Variants in MTIF2 observed in about 807,000 individuals in gnomAD.
MTIF2 encodes mitochondrial translational initiation factor 2, also known as translation initiation factor IF-2, mitochondrial.
Under a neutral mutation model 83.5 loss-of-function variants are expected in MTIF2, and 71 were observed. The ratio of observed to expected loss-of-function variants is 0.85; its 90% confidence interval spans 0.70 to 1.04. MTIF2 has a LOEUF of 1.04. Ranked by LOEUF, MTIF2 falls within the 50% of genes least tolerant of loss-of-function variation. The probability of loss-of-function intolerance (pLI) is 0.00; values close to 1 mark genes in which losing one functional copy is unlikely to be tolerated. For synonymous variants in MTIF2, 319 were observed against 287.1 expected, an observed-to-expected ratio of 1.11 and a Z score of -1.12; for missense variants, 957 against 846.5, an observed-to-expected ratio of 1.13 and a Z score of -1.62.
intron 8 of MTIF2, 128 bp from the exon 9 acceptor site, chr2:55,249,662 G>A (rs111906574): frequency 9.0e-7 from 1 of 1,116,606 alleles, no homozygotes; most frequent in South Asian, 1.6e-5. Context: ...CTAACAAAAG[G>A]CCAAAATGAC....
intron 5 of MTIF2, among the ~76,000 whole-genome samples, chr2:55,258,363 A>T (rs1677702460): frequency 6.6e-6 from 1 of 152,178 alleles, no homozygotes; most frequent in Non-Finnish European, 1.5e-5. Context: ...CTGTAAAACT[A>T]TTTCAAAACA....
Position 55,243,530 on chromosome 2 carries a change from G to T in MTIF2, c.1450C>A (p.Leu484Ile), listed in dbSNP as rs1558554536. The change falls in exon 12 of 16, where the codon CTA becomes ATA. Residue 484 changes from leucine (L) to isoleucine (I), a missense_variant. By Grantham distance (5) the Leu-to-Ile change is conservative. Around this residue, in one of 3 missense-constraint regions of MTIF2, gnomAD observed 733 missense variants for 648.7 expected, o/e 1.13. Coordinates refer to ENST00000263629, the MANE Select transcript of MTIF2 (RefSeq NM_002453.3). ...AGAATTGATCTCTTCTTCCACAGTA[G>T]ATGGCCATACTTCTCACGGGCTTTC... is the stretch of plus-strand genomic sequence containing the variant. ...HQKAREKYGH[L>I]LWKKRSILRF... The T allele has an allele frequency of 6.2e-7, 1 of 1,613,952 alleles. No individual in the cohort carries two copies. Among genetic ancestry groups the T allele is most frequent in the Non-Finnish European group, 8.5e-7 (1 of 1,179,978 alleles).
intron 3 of MTIF2, among the ~76,000 whole-genome samples, chr2:55,265,390 G>A (rs910311811): frequency 1.3e-5 from 2 of 151,444 alleles, no homozygotes; most frequent in African/African-American, 4.8e-5. Flanking sequence ...TGTCGTTAAA[G>A]CAAGCTTGCC....
At chr2:55,265,483 G>A (rs1236462960) in intron 3 of MTIF2, among the ~76,000 whole-genome samples, 2 of 151,270 alleles carry the variant, frequency 1.3e-5, no homozygotes, top group East Asian at 3.9e-4. Flanking sequence ...GCAATAATAT[G>A]CAAAATTATT....
At chr2:55,258,585 G>T (rs1365649964) in intron 5 of MTIF2, among the ~76,000 whole-genome samples, 1 of 152,138 alleles carries the variant, frequency 6.6e-6, no homozygotes. Flanking sequence ...GCTAAGGTGG[G>T]TGGATCACCT....
chr2:55,254,338 C>G, intron 6 of MTIF2, 137 bp from the exon 7 acceptor site: 1 of 885,990 alleles, frequency 1.1e-6, no homozygotes, highest in South Asian at 1.9e-5. Context: ...ACCTATTTCC[C>G]CCTCCTATAC....
Position 55,244,035 on chromosome 2 carries a change from T to C in MTIF2, c.1305A>G (p.Glu435=). 1.2e-6 allele frequency: 2 copies of C among 1,613,706 alleles called. No homozygotes were observed. The highest frequency in any genetic ancestry group is 1.7e-6 in the Non-Finnish European group (2 of 1,179,712). The part of the protein sequence containing the change: ...PSAGEEILEV[E]SEPRAREVVD... ...GGAATTAAGCTTGATACACCTCAGATTCTACTTCAAGAATTTCTTCTCCTG... is the reference window on the plus strand; with the variant it reads ...GGAATTAAGCTTGATACACCTCAGACTCTACTTCAAGAATTTCTTCTCCTG... The change falls in exon 11 of 16, where the codon GAA becomes GAG. Residue 435 remains glutamate (E), a synonymous_variant. Transcript: ENST00000263629.
intron 5 of MTIF2, among the ~76,000 whole-genome samples, chr2:55,259,263 C>T (rs1349487691): frequency 6.6e-6 from 1 of 152,054 alleles, no homozygotes; most frequent in African/African-American, 2.4e-5. Flanking sequence ...GTACTCATAT[C>T]GCTAATGTAT....
At chr2:55,264,711 C>G (rs1678298286) in intron 3 of MTIF2, among the ~76,000 whole-genome samples, 1 of 152,126 alleles carries the variant, frequency 6.6e-6, no homozygotes, top group African/African-American at 2.4e-5. Context: ...ATCTCACCCC[C>G]TAAAAAAAGA....
rs775196654 is a variant in MTIF2, at chr2:55,243,007, T to C, written c.1638A>G (p.Leu546=). The change falls in exon 13 of 16, where the codon CTA becomes CTG. Residue 546 remains leucine, a synonymous_variant. Transcript: ENST00000263629. ...CACCCACTCCAAAATGTACTAATTC[T>C]AGTTCACACTCGTGTGAAGCATCAT... is the stretch of plus-strand genomic sequence containing the variant. ...DTYDASHECE[L]ELVHFGVGDV... is the part of the protein sequence containing the mutation. 1.1e-5 allele frequency: 18 copies of C among 1,613,176 alleles called. 1 individual carries two copies. The African/African-American group carries it at 1.3e-4, about 12-fold the overall frequency.
chr2:55,255,415 T>C (rs1677435460), intron 5 of MTIF2, among the ~76,000 whole-genome samples: 1 of 144,572 alleles, frequency 6.9e-6, no homozygotes. Flanking sequence ...AATATATATT[T>C]ATATATCTCA....
In MTIF2 at chr2:55,236,707, TTC is replaced by T. The variant is rs1365214875; in HGVS notation, c.2123_2124del (p.Arg708AsnfsTer5). 6.2e-7 allele frequency: 1 copy of T among 1,608,386 alleles called. No individual in the cohort carries two copies. The highest frequency in any genetic ancestry group is 1.3e-5 in the African/African-American group (1 of 74,704). Reference protein sequence around the residue: ...EDNMEFQVGDRIVCYEEKQIQ... With the variant: ...EDNMEFQVGDXIVCYEEKQIQ... The stretch of plus-strand genomic sequence containing the variant: ...ATTTGCTTTTCTTCATAACAAACAA[TTC>T]TGTCTCCCACTTGAAATTCCATATT... On this transcript the variant is annotated frameshift_variant, in exon 16 of 16. Coordinates refer to ENST00000263629, the MANE Select transcript of MTIF2 (RefSeq NM_002453.3). LOFTEE classifies it high-confidence loss of function.
intron 10 of MTIF2, 52 bp downstream of exon 10, chr2:55,246,285 G>C (rs1454132483): frequency 6.5e-7 from 1 of 1,527,530 alleles, no homozygotes; most frequent in Non-Finnish European, 8.8e-7. Context: ...ATATAATCAA[G>C]TCACGAAAAC....
At chr2:55,249,670 G>T in intron 8 of MTIF2, 136 bp from the exon 9 acceptor site, 1 of 968,612 alleles carries the variant, frequency 1.0e-6, no homozygotes, top group Non-Finnish European at 1.5e-6. Context: ...AGGCCAAAAT[G>T]ACCCACTTTA....
intron 5 of MTIF2, among the ~76,000 whole-genome samples, chr2:55,259,014 T>C (rs775845708): frequency 4.6e-5 from 7 of 152,082 alleles, no homozygotes; most frequent in Non-Finnish European, 1.0e-4. Flanking sequence ...CTATTTCTAA[T>C]AATGGTAACA....
Position 55,262,304 on chromosome 2 carries a change from T to C in MTIF2, c.331+12A>G, listed in dbSNP as rs765193897. The stretch of plus-strand genomic sequence containing the variant: ...ATTCCCATATTTTGCTTTGTAAAAA[T>C]ATCTGACTCACCTGTGTTTTTTTCC... On this transcript the variant is annotated intron_variant, in intron 5 of 15. Coordinates refer to ENST00000263629, the MANE Select transcript of MTIF2 (RefSeq NM_002453.3). 1 of 1,584,722 alleles carries C rather than the reference T, an allele frequency of 6.3e-7. No individual in the cohort carries two copies. The highest frequency in any genetic ancestry group is 8.7e-7 in the Non-Finnish European group (1 of 1,154,256).
intron 5 of MTIF2, among the ~76,000 whole-genome samples, 163 bp from the exon 6 acceptor site, chr2:55,254,988 T>C (rs1043693223): frequency 1.3e-5 from 2 of 152,168 alleles, no homozygotes; most frequent in African/African-American, 4.8e-5. Context: ...AAAATGTTTT[T>C]TAATTATTTA....
intron 8 of MTIF2, among the ~76,000 whole-genome samples, chr2:55,250,491 T>C (rs1288098225): frequency 6.6e-6 from 1 of 152,124 alleles, no homozygotes; most frequent in Non-Finnish European, 1.5e-5. Context: ...TTCCAGGGTT[T>C]ATTTACTCAT....
intron 13 of MTIF2, 32 bp from the exon 14 acceptor site, chr2:55,240,207 CACA>C (rs755868190): frequency 1.9e-6 from 3 of 1,538,712 alleles, no homozygotes; most frequent in South Asian, 1.2e-5. Flanking sequence ...AATGAAGTAG[CACA>C]ACGATTACAT....
Sources: allele counts gnomAD v4.1 joint callset (sites outside exome capture counted in the v4.1 genomes callset), GRCh38; gene constraint gnomAD v4.1.1; regional missense constraint gnomAD v4.1.1; transcripts MANE v1.5; gene names NCBI Gene and HGNC (gene_info 2026-07-23, HGNC 2026-07-21).